The following KCNJ6 variants were observed in gnomAD, a reference collection of about 807,000 sequenced individuals.
KCNJ6 encodes the protein G protein-activated inward rectifier potassium channel 2.
Under a neutral mutation model 34.2 loss-of-function variants are expected in KCNJ6, and 9 were observed. That is an observed-to-expected ratio of 0.26 (90% CI 0.16 to 0.46). KCNJ6 has a LOEUF of 0.46. Among genes scored for constraint, KCNJ6 ranks in the 20% least tolerant of loss-of-function variants. The pLI, the probability that KCNJ6 is intolerant of heterozygous loss-of-function variation, is 1.00. For missense variants in KCNJ6, 236 were observed against 531.3 expected, an observed-to-expected ratio of 0.44 and a Z score of 5.46; for synonymous variants, 196 against 207.1, an observed-to-expected ratio of 0.95 and a Z score of 0.46.
intron 2 of KCNJ6, among the ~76,000 whole-genome samples, chr21:37,809,138 A>G (rs1011528080): frequency 1.3e-5 from 2 of 152,224 alleles, no homozygotes; most frequent in African/African-American, 4.8e-5. Flanking sequence ...ATGTCCAACA[A>G]CGATAGACTG....
chr21:37,683,682 A>C (rs1417571132), intron 3 of KCNJ6, among the ~76,000 whole-genome samples: 6 of 152,244 alleles, frequency 3.9e-5, no homozygotes, highest in Non-Finnish European at 8.8e-5. Context: ...AAAGGAAGAC[A>C]GGACAGAAGC....
rs2055583562 is a variant in KCNJ6, at chr21:37,859,519, AT to A, written c.-27-18811del. ...TATATATATATATATATATATATAT[AT>A]ATATATATATAAAATACTTAAAAAG... On this transcript the variant is annotated intron_variant, in intron 1 of 3. Transcript: ENST00000609713. 7.7e-5 allele frequency among the ~76,000 whole-genome samples: 5 copies of A among 65,144 alleles called. 1 individual carries two copies. The highest frequency in any genetic ancestry group is 2.8e-4 in the African/African-American group (5 of 17,856). The allele number at this position is 65,144 out of a possible 152,430, so 42.7% of individuals were successfully genotyped here. A position where few individuals can be genotyped will look rare whatever the true frequency, so the allele number is the denominator to read the frequency against.
chr21:37,891,760 G>T (rs938024510), intron 1 of KCNJ6, among the ~76,000 whole-genome samples: 1 of 152,128 alleles, frequency 6.6e-6, no homozygotes, highest in Non-Finnish European at 1.5e-5. Flanking sequence ...TGCCAAAGTC[G>T]ATCATTTGAG....
At chr21:37,677,787 T>TCCATCCATCCATCCATCCATCCACCCAC (rs1569443666) in intron 3 of KCNJ6, among the ~76,000 whole-genome samples, 1 of 137,742 alleles carries the variant, frequency 7.3e-6, no homozygotes, top group South Asian at 2.3e-4. Flanking sequence ...CATCCATCCA[T>TCCATCCATCCATCCATCCATCCACCCAC]CCACCCACCT....
At chr21:37,766,888 C>T (rs546930053) in intron 2 of KCNJ6, among the ~76,000 whole-genome samples, 4 of 152,130 alleles carry the variant, frequency 2.6e-5, no homozygotes, top group Non-Finnish European at 2.9e-5. Context: ...ACTGCACCTG[C>T]GAGAGATCTA....
At chr21:37,751,523 G>C (rs928421783) in intron 2 of KCNJ6, among the ~76,000 whole-genome samples, 2 of 152,198 alleles carry the variant, frequency 1.3e-5, no homozygotes, top group African/African-American at 2.4e-5. Flanking sequence ...ACATTCCTGT[G>C]TTTAGAGGAA....
chr21:37,818,198 G>A (rs1406957655), intron 2 of KCNJ6, among the ~76,000 whole-genome samples: 1 of 39,030 alleles, frequency 2.6e-5, no homozygotes, highest in African/African-American at 1.7e-4. Context: ...AAGTGCGTGT[G>A]TGTGTGTGCG....
chr21:37,756,902 G>A (rs857993), intron 2 of KCNJ6, among the ~76,000 whole-genome samples: 36 of 95,778 alleles, frequency 3.8e-4, no homozygotes, highest in South Asian at 9.1e-4. Context: ...CCCTCACAGC[G>A]TGATGATTCC....
chr21:37,776,398 G>A (rs1023371699), intron 2 of KCNJ6, among the ~76,000 whole-genome samples: 2 of 152,132 alleles, frequency 1.3e-5, no homozygotes, highest in Non-Finnish European at 2.9e-5. Flanking sequence ...AATAGGAGTG[G>A]GGAAAGAGGG....
Position 37,734,176 on chromosome 21 carries a change from G to A in KCNJ6, c.26-19045C>T, listed in dbSNP as rs1326065503. Among the ~76,000 whole-genome samples the A allele has an allele frequency of 2.6e-5, 4 of 152,194 alleles. No individual in the cohort carries two copies. The East Asian group carries it at 7.7e-4, about 29-fold the overall frequency. ...ATGTGGGCTCCTACCTTTCTATTGT[G>A]TCAGGTTCTAGGAATATCATTTTTC... On this transcript the variant is annotated intron_variant, in intron 2 of 3. Transcript: ENST00000609713.
chr21:37,844,353 G>C (rs575458132), intron 1 of KCNJ6, among the ~76,000 whole-genome samples: 168 of 152,068 alleles, frequency 1.1e-3, no homozygotes, highest in African/African-American at 3.6e-3. Context: ...CACCGTGCCC[G>C]GCCTACTTTG....
At chr21:37,867,163 TTAA>T (rs1240488065) in intron 1 of KCNJ6, among the ~76,000 whole-genome samples, 1 of 152,268 alleles carries the variant, frequency 6.6e-6, no homozygotes, top group African/African-American at 2.4e-5. Context: ...TCCTTATTAA[TTAA>T]TAAGTGTAAT....
chr21:37,607,482 A>ATATATATATATATATATT lies in KCNJ6; in HGVS notation c.*17676_*17677insAATATATATATATATATA. 846 of 136,606 alleles carry ATATATATATATATATATT rather than the reference A, an allele frequency of 6.2e-3. 11 individuals carry two copies. The highest frequency in any genetic ancestry group is 0.036 in the East Asian group (157 of 4,350). The allele number at this position is 136,606 out of a possible 1,614,324, so 8.5% of individuals were successfully genotyped here. A position where few individuals can be genotyped will look rare whatever the true frequency, so the allele number is the denominator to read the frequency against. ...CTTAAAGATATATATATATATATAT[A>ATATATATATATATATATT]TTTTTTTTTTATTTTAAAAAAATTT... On this transcript the variant is annotated 3_prime_UTR_variant, in exon 4 of 4. Transcript: ENST00000609713.
intron 2 of KCNJ6, among the ~76,000 whole-genome samples, chr21:37,818,994 G>C (rs912280276): frequency 1.3e-5 from 2 of 152,118 alleles, no homozygotes; most frequent in African/African-American, 4.8e-5. Context: ...CAAGCCACAA[G>C]TATTTTCCAC....
intron 2 of KCNJ6, among the ~76,000 whole-genome samples, chr21:37,771,850 G>T (rs1019986315): frequency 5.3e-5 from 8 of 152,100 alleles, no homozygotes; most frequent in Non-Finnish European, 1.0e-4. Flanking sequence ...TCTGAGATGT[G>T]GTGTTGAAGA....
intron 3 of KCNJ6, among the ~76,000 whole-genome samples, chr21:37,713,527 C>A (rs181273816): frequency 8.3e-4 from 126 of 152,254 alleles, no homozygotes; most frequent in African/African-American, 2.8e-3. Context: ...TAAAAACAGA[C>A]CATTTTCTCT....
Position 37,852,675 on chromosome 21 carries a change from T to C in KCNJ6, c.-27-11966A>G, listed in dbSNP as rs375606735. ...GGTTTCAGTAAAAAATTACCTGTCA[T>C]ACCAACAGAAAGAGCTAAAACTGAA... On this transcript the variant is annotated intron_variant, in intron 1 of 3. Transcript: ENST00000609713. Among the ~76,000 whole-genome samples, 17 of 152,270 alleles carry C rather than the reference T, an allele frequency of 1.1e-4. No homozygotes were observed. In the East Asian group the frequency reaches 1.5e-3, roughly 14 times the overall value.
chr21:37,655,221 GTGTGAGAGAGA>G (rs2054455905), intron 3 of KCNJ6, among the ~76,000 whole-genome samples: 7 of 18,880 alleles, frequency 3.7e-4, no homozygotes, highest in African/African-American at 5.7e-4. Flanking sequence ...GTGTGTGTGT[GTGTGAGAGAGA>G]GAGAGAGAGA....
At chr21:37,890,776 C>T (rs1280585123) in intron 1 of KCNJ6, among the ~76,000 whole-genome samples, 1 of 152,102 alleles carries the variant, frequency 6.6e-6, no homozygotes, top group Non-Finnish European at 1.5e-5. Flanking sequence ...TGCATCACAT[C>T]GGTACAATTC....
Sources: gnomAD v4.1 joint callset for allele counts (sites outside exome capture counted in the v4.1 genomes callset) on GRCh38, gnomAD v4.1.1 for gene constraint, MANE v1.5 for transcripts, NCBI Gene and HGNC (gene_info 2026-07-23, HGNC 2026-07-21) for gene names.